The following KCNC2 variants were observed in gnomAD, a reference collection of about 807,000 sequenced individuals.
KCNC2 encodes potassium voltage-gated channel subfamily C member 2.
Under a neutral mutation model 44.5 loss-of-function variants are expected in KCNC2, and 21 were observed. That is an observed-to-expected ratio of 0.47 (90% CI 0.33 to 0.68). The LOEUF (loss-of-function observed/expected upper bound fraction) is 0.68, where lower values mean the gene tolerates loss of function less well. KCNC2 is among the 30% of genes least tolerant of loss of function. The pLI is 0.01. For missense variants in KCNC2, 589 were observed against 826.2 expected, an observed-to-expected ratio of 0.71 and a Z score of 3.52; for synonymous variants, 391 against 339.1, an observed-to-expected ratio of 1.15 and a Z score of -1.68.
At chr12:75,121,833 G>A (rs1295634339) in intron 2 of KCNC2, among the ~76,000 whole-genome samples, 1 of 152,042 alleles carries the variant, frequency 6.6e-6, no homozygotes, top group Non-Finnish European at 1.5e-5. Context: ...CATGATCCTT[G>A]ACCACCTCTA....
intron 2 of KCNC2, among the ~76,000 whole-genome samples, chr12:75,110,015 A>G (rs1403967839): frequency 2.0e-5 from 3 of 152,122 alleles, no homozygotes; most frequent in Non-Finnish European, 4.4e-5. Flanking sequence ...TAAAAAAATC[A>G]TGGGAGTAAA....
chr12:75,160,854 CAA>C (rs1052609329), intron 2 of KCNC2, among the ~76,000 whole-genome samples: 1 of 151,346 alleles, frequency 6.6e-6, no homozygotes, highest in African/African-American at 2.4e-5. Context: ...TCATAATGAC[CAA>C]AAAAAGTTTT....
rs1321222911 is a variant in KCNC2 at position 75,175,086 on chromosome 12, G to A, written c.687+32211C>T. On this transcript the variant is annotated intron_variant, in intron 2 of 4. Transcript: ENST00000549446. ...CAGGAGGGGACAGCTAGGCAAGAGA[G>A]AAGCAGAAGACAGCCTGTGTACCTG... 3.3e-5 allele frequency among the ~76,000 whole-genome samples: 5 copies of A among 151,992 alleles called. No homozygotes were observed. The East Asian group carries it at 7.8e-4, about 24-fold the overall frequency.
At chr12:75,189,689 T>C (rs907397967) in intron 2 of KCNC2, among the ~76,000 whole-genome samples, 1 of 152,160 alleles carries the variant, frequency 6.6e-6, no homozygotes, top group Non-Finnish European at 1.5e-5. Flanking sequence ...TCTGTACCAC[T>C]TGATCTTTCA....
intron 2 of KCNC2, among the ~76,000 whole-genome samples, chr12:75,099,151 A>T (rs956068348): frequency 6.6e-6 from 1 of 152,216 alleles, no homozygotes; most frequent in Non-Finnish European, 1.5e-5. Flanking sequence ...TAAACAGAAA[A>T]CTGAAATGCA....
intron 2 of KCNC2, among the ~76,000 whole-genome samples, chr12:75,079,124 G>A (rs942298826): frequency 4.6e-5 from 7 of 152,092 alleles, no homozygotes; most frequent in Admixed American, 4.6e-4. Context: ...ACTACCAAAT[G>A]GGGTATGCAT....
chr12:75,119,240 T>C (rs531596224), intron 2 of KCNC2, among the ~76,000 whole-genome samples: 4 of 152,250 alleles, frequency 2.6e-5, no homozygotes, highest in South Asian at 4.2e-4. Context: ...CACTCTTGTT[T>C]TCAGGAATAT....
At chr12:75,055,983 T>C (rs1881705716) in intron 2 of KCNC2, among the ~76,000 whole-genome samples, 1 of 152,076 alleles carries the variant, frequency 6.6e-6, no homozygotes, top group Non-Finnish European at 1.5e-5. Flanking sequence ...TTTTCAAAAC[T>C]GTGCCTAGAC....
At chr12:75,202,855 T>C (rs992585541) in intron 2 of KCNC2, among the ~76,000 whole-genome samples, 3 of 151,462 alleles carry the variant, frequency 2.0e-5, no homozygotes, top group Non-Finnish European at 4.4e-5. Flanking sequence ...GCCATAATCT[T>C]GTTTTTTTTT....
intron 2 of KCNC2, among the ~76,000 whole-genome samples, chr12:75,067,899 TA>T (rs1882998982): frequency 6.6e-6 from 1 of 152,178 alleles, no homozygotes; most frequent in Non-Finnish European, 1.5e-5. Flanking sequence ...ATACTTTTTT[TA>T]TGTTCTCCGT....
intron 2 of KCNC2, among the ~76,000 whole-genome samples, chr12:75,176,814 G>C (rs921765002): frequency 6.6e-6 from 1 of 151,640 alleles, no homozygotes; most frequent in Non-Finnish European, 1.5e-5. Flanking sequence ...CAGTAATCCA[G>C]GTCCTGGGAA....
At chr12:75,159,663 T>C (rs1456694613) in intron 2 of KCNC2, among the ~76,000 whole-genome samples, 4 of 151,872 alleles carry the variant, frequency 2.6e-5, no homozygotes, top group African/African-American at 9.7e-5. Flanking sequence ...ACAAAAGAGC[T>C]AAACTATCTA....
In KCNC2 at chr12:75,083,607, T is replaced by A. The variant is rs541498468; in HGVS notation, c.688-32290A>T. Among the ~76,000 whole-genome samples, 12 of 152,078 alleles carry A rather than the reference T, an allele frequency of 7.9e-5. 1 individual carries two copies. The South Asian group carries it at 2.5e-3, about 31-fold the overall frequency. ...AAATTGGGCTACAAATAATTTTCCA[T>A]CAACATTAACAGAGATATTTGAATA... On this transcript the variant is annotated intron_variant, in intron 2 of 4. Transcript: ENST00000549446.
chr12:75,187,391 A>G (rs978084450), intron 2 of KCNC2, among the ~76,000 whole-genome samples: 1 of 152,194 alleles, frequency 6.6e-6, no homozygotes, highest in Non-Finnish European at 1.5e-5. Flanking sequence ...TCAAATGACA[A>G]TTTACCAAAC....
At chr12:75,208,689 A>G (rs1034368991) in intron 1 of KCNC2, among the ~76,000 whole-genome samples, 12 of 149,600 alleles carry the variant, frequency 8.0e-5, no homozygotes, top group Non-Finnish European at 1.8e-4. Flanking sequence ...TTCTAGGATC[A>G]CCTCTACACC....
At position 75,050,895 on chromosome 12, in the gene KCNC2, C is replaced by T; in HGVS notation, c.1110G>A (p.Val370=). 2 of 1,613,672 alleles carry T rather than the reference C, an allele frequency of 1.2e-6. No homozygotes were observed. The highest frequency in any genetic ancestry group is 1.7e-6 in the Non-Finnish European group (2 of 1,179,882). The change falls in exon 3 of 5, where the codon GTG becomes GTA. Residue 370 remains valine, a synonymous_variant. Coordinates refer to ENST00000549446, the MANE Select transcript of KCNC2 (RefSeq NM_139137.4). ...KLTRHFVGLR[V]LGHTLRASTN... is the part of the protein sequence containing the mutation. ...TACTAGCTCGAAGAGTATGTCCAAG[C>T]ACCCTCAGACCTACAAAATGGCGGG...
chr12:75,093,036 C>A lies in KCNC2; in HGVS notation c.688-41719G>T, dbSNP rs569353863. On this transcript the variant is annotated intron_variant, in intron 2 of 4. Coordinates refer to ENST00000549446, the MANE Select transcript of KCNC2 (RefSeq NM_139137.4). ...TAGGCTTTTTTTTTTTTTAATCGTT[C>A]GAGTAGCTATCTGTTTCTTCTATAT... 2.1e-5 allele frequency among the ~76,000 whole-genome samples: 3 copies of A among 146,062 alleles called. No homozygotes were observed. The Admixed American group carries it at 2.1e-4, about 10-fold the overall frequency.
At chr12:75,049,430 T>G (rs1475877935) in intron 3 of KCNC2, among the ~76,000 whole-genome samples, 1 of 152,158 alleles carries the variant, frequency 6.6e-6, no homozygotes, top group East Asian at 1.9e-4. Flanking sequence ...TACATTTTCC[T>G]AGTAGGGTAA....
chr12:75,153,826 G>C (rs574089375), intron 2 of KCNC2, among the ~76,000 whole-genome samples: 1 of 151,702 alleles, frequency 6.6e-6, no homozygotes, highest in Non-Finnish European at 1.5e-5. Context: ...TAAGTGGAAG[G>C]GGATCATCAT....
Sources: gnomAD v4.1 joint callset for allele counts (sites outside exome capture counted in the v4.1 genomes callset) on GRCh38, gnomAD v4.1.1 for gene constraint, MANE v1.5 for transcripts, NCBI Gene and HGNC (gene_info 2026-07-23, HGNC 2026-07-21) for gene names.